The following CACNA1D variants were observed in gnomAD, a reference collection of about 807,000 sequenced individuals.
CACNA1D encodes calcium voltage-gated channel subunit alpha1 D, also known as voltage-dependent L-type calcium channel subunit alpha-1D.
CACNA1D carries 55 observed loss-of-function variants against 257.1 expected under a neutral mutation model. The ratio of observed to expected loss-of-function variants is 0.21; its 90% confidence interval spans 0.17 to 0.27. The LOEUF (loss-of-function observed/expected upper bound fraction) is 0.27. Among genes scored for constraint, CACNA1D ranks in the 10% least tolerant of loss-of-function variants. The probability of loss-of-function intolerance (pLI) is 1.00; values close to 1 mark genes in which losing one functional copy is unlikely to be tolerated. For synonymous variants in CACNA1D, 980 were observed against 1,014.9 expected (o/e 0.97, Z 0.65); for missense variants, 1,876 against 2,784.0 (o/e 0.67, Z 7.34).
chr3:53,753,588 A>G lies in CACNA1D; in HGVS notation c.3692A>G (p.Lys1231Arg), dbSNP rs1163075987. 3.7e-6 allele frequency: 6 copies of G among 1,608,950 alleles called. No individual in the cohort carries two copies. The African/African-American group carries it at 6.7e-5, about 18-fold the overall frequency. Residue 1231 changes from lysine to arginine, a missense_variant, in exon 29 of 48, where the codon AAG (lysine) becomes AGG (arginine). Lys to Arg is a conservative substitution (Grantham distance 26, BLOSUM62 2). This residue lies in a region of CACNA1D where 204 missense variants were observed against 309.4 expected (regional missense o/e 0.66). Transcript: ENST00000350061. ...CLAMQHYEQS[K>R]MFNDAMDILN... ...CATCCATAGCACTACGAGCAGTCCA[A>G]GATGTTCAATGATGCCATGGACATT... is the stretch of plus-strand genomic sequence containing the variant.
Position 53,776,627 on chromosome 3 carries a change from A to T in CACNA1D, c.4387A>T (p.Ile1463Phe). 6.2e-7 allele frequency: 1 copy of T among 1,614,186 alleles called. No homozygotes were observed. Among genetic ancestry groups the T allele is most frequent in the Non-Finnish European group, 8.5e-7 (1 of 1,180,032 alleles). ...FLIINLFVAV[I>F]MDNFDYLTRD... Reference sequence around the variant, plus strand: ...GATCATCAATCTGTTTGTGGCTGTCATCATGGATAATTTCGACTATCTGAC... The same window carrying T: ...GATCATCAATCTGTTTGTGGCTGTCTTCATGGATAATTTCGACTATCTGAC... Residue 1463 changes from isoleucine to phenylalanine, a missense_variant, in exon 36 of 48, where the codon ATC becomes TTC. This residue lies in a region of CACNA1D where 83 missense variants were observed against 210.7 expected (regional missense o/e 0.39). Transcript: ENST00000350061.
In CACNA1D at chr3:53,810,758, C is replaced by CAAAAAAAAAAAAAAAAAAA. The variant is rs71074934; in HGVS notation, c.6193-345_6193-327dup. On this transcript the variant is annotated intron_variant, in intron 47 of 47. Coordinates refer to ENST00000350061, the MANE Select transcript of CACNA1D (RefSeq NM_001128840.3). ...GGGCCACAGAGCGAGACTCTTGTCT[C>CAAAAAAAAAAAAAAAAAAA]AAAAAAAAAAAAAAAAAAAAAAAAA... Among the ~76,000 whole-genome samples, 268 of 68,284 alleles carry CAAAAAAAAAAAAAAAAAAA rather than the reference C, an allele frequency of 3.9e-3. 12 individuals carry two copies. Among genetic ancestry groups the CAAAAAAAAAAAAAAAAAAA allele is most frequent in the Non-Finnish European group, 5.1e-3 (212 of 41,538 alleles). 44.8% of individuals were successfully genotyped at this position (68,284 alleles called of 152,430 possible).
chr3:53,789,689 G>A lies in CACNA1D; in HGVS notation c.4923+2737G>A, dbSNP rs759564745. Reference sequence around the variant, plus strand: ...TGCTAATGGAAAGTGGAGCATGGCCGTCGCAGTGTGAGCGCAGAAGTGCGG... The same window carrying A: ...TGCTAATGGAAAGTGGAGCATGGCCATCGCAGTGTGAGCGCAGAAGTGCGG... On this transcript the variant is annotated intron_variant, in intron 40 of 47. Transcript: ENST00000350061. This position sits in a 1 kb window ranked among gnomAD's most constrained non-coding sequence, Gnocchi z 4.2. 3.3e-5 allele frequency among the ~76,000 whole-genome samples: 5 copies of A among 152,238 alleles called. No individual in the cohort carries two copies. The highest frequency in any genetic ancestry group is 7.3e-5 in the Non-Finnish European group (5 of 68,042).
Position 53,495,218 on chromosome 3 carries a change from G to T in CACNA1D, c.52G>T (p.Ala18Ser). 6.2e-7 allele frequency: 1 copy of T among 1,613,794 alleles called. No individual in the cohort carries two copies. The highest frequency in any genetic ancestry group is 1.1e-5 in the South Asian group (1 of 91,054). ...KKMQHQRQQQ[A>S]DHANEANYAR... is the part of the protein sequence containing the mutation. ...AATGCAGCATCAACGGCAGCAGCAAGCGGACCACGCGAACGGTGAGCAGCC... is the reference window on the plus strand; with the variant it reads ...AATGCAGCATCAACGGCAGCAGCAATCGGACCACGCGAACGGTGAGCAGCC... Residue 18 changes from alanine to serine, a missense_variant, in exon 1 of 48, where the codon GCG becomes TCG. Physicochemically the swap from Ala to Ser is moderately conservative, Grantham distance 99 (BLOSUM62 1). Transcript: ENST00000350061. The surrounding 1 kb of genome is among the most constrained non-coding windows in gnomAD (Gnocchi z 5.1).
intron 3 of CACNA1D, among the ~76,000 whole-genome samples, chr3:53,634,278 G>C (rs970749463): frequency 6.6e-6 from 1 of 152,282 alleles, no homozygotes; most frequent in East Asian, 1.9e-4. Context: ...GATCAAGCTT[G>C]TTGCCTTTTC....
At chr3:53,801,476 G>C (rs370194940) in intron 42 of CACNA1D, 51 bp downstream of exon 42, 30 of 1,607,370 alleles carry the variant, frequency 1.9e-5, no homozygotes, top group Admixed American at 6.7e-5. Context: ...TGCCCGTGTT[G>C]CGTCTAGTCC....
At position 53,673,472 on chromosome 3, in the gene CACNA1D, T is replaced by C. The variant is rs564476298; in HGVS notation, c.1220+346T>C. Among the ~76,000 whole-genome samples, 2 of 152,218 alleles carry C rather than the reference T, an allele frequency of 1.3e-5. No individual in the cohort carries two copies. Among genetic ancestry groups the C allele is most frequent in the Admixed American group, 1.3e-4 (2 of 15,294 alleles). On this transcript the variant is annotated intron_variant, in intron 8 of 47. Transcript: ENST00000350061. The surrounding 1 kb of genome is among the most constrained non-coding windows in gnomAD (Gnocchi z 4.1). The stretch of plus-strand genomic sequence containing the variant: ...TCCAAATATAATGCAGATTAATTGT[T>C]ATAAAACGATAGCAAAATGAGCTGG...
At chr3:53,722,648 T>A (rs1326655111) in intron 12 of CACNA1D, among the ~76,000 whole-genome samples, 174 bp downstream of exon 12, 1 of 152,222 alleles carries the variant, frequency 6.6e-6, no homozygotes, top group Non-Finnish European at 1.5e-5. Flanking sequence ...GTGCCATCTG[T>A]GCCGCGTGGT....
chr3:53,509,757 C>T (rs2091029730), intron 3 of CACNA1D, among the ~76,000 whole-genome samples: 1 of 152,212 alleles, frequency 6.6e-6, no homozygotes, highest in East Asian at 1.9e-4. Flanking sequence ...GCGAGAGGCT[C>T]ATGCTCTTTC....
At chr3:53,538,250 C>T (rs575000620) in intron 3 of CACNA1D, among the ~76,000 whole-genome samples, 5 of 146,354 alleles carry the variant, frequency 3.4e-5, no homozygotes, top group Admixed American at 7.0e-5. Flanking sequence ...ACAGTTCAAG[C>T]GTTTCTCGTG....
intron 9 of CACNA1D, among the ~76,000 whole-genome samples, chr3:53,717,601 T>G (rs2094833224): frequency 6.6e-6 from 1 of 151,886 alleles, no homozygotes; most frequent in African/African-American, 2.4e-5. Flanking sequence ...GAGACCAGAG[T>G]CAACCTTGCC....
intron 23 of CACNA1D, 121 bp downstream of exon 23, chr3:53,744,948 T>C (rs1576534435): frequency 1.5e-6 from 1 of 674,652 alleles, no homozygotes; most frequent in East Asian, 2.7e-5. Flanking sequence ...ATAAGGACCT[T>C]TCTAACCAAT....
rs34802182 is a variant in CACNA1D, at chr3:53,812,917, T to TGAA, written c.*1513_*1515dup. 0.45 allele frequency: 68,540 copies of TGAA among 151,866 alleles called. 17,722 individuals carry two copies. The highest frequency in any genetic ancestry group is 0.72 in the East Asian group (3,687 of 5,140). The allele number at this position is 151,866 out of a possible 1,614,324, so 9.4% of individuals were successfully genotyped here. ...CTTTTATATGCAATTGAATGAGGGC[T>TGAA]GAAGTTTTCATTAGAATGCACTCAC... On this transcript the variant is annotated 3_prime_UTR_variant, in exon 48 of 48. Coordinates refer to ENST00000350061, the MANE Select transcript of CACNA1D (RefSeq NM_001128840.3).
chr3:53,665,399 A>T (rs2094251497), intron 5 of CACNA1D, among the ~76,000 whole-genome samples: 1 of 152,190 alleles, frequency 6.6e-6, no homozygotes, highest in South Asian at 2.1e-4. Flanking sequence ...TAAATGAATG[A>T]TGAACTTTGA....
intron 3 of CACNA1D, among the ~76,000 whole-genome samples, chr3:53,507,087 A>AAC (rs1553707857): frequency 1.4e-4 from 21 of 151,098 alleles, no homozygotes; most frequent in Admixed American, 3.3e-4. Flanking sequence ...AAAAAAAAAA[A>AAC]AAAAAACAAA....
At chr3:53,715,220 A>G (rs972571753) in intron 9 of CACNA1D, among the ~76,000 whole-genome samples, 1 of 152,150 alleles carries the variant, frequency 6.6e-6, no homozygotes, top group Non-Finnish European at 1.5e-5. Context: ...TAGCGTAGGC[A>G]CTGTCCTCTT....
At chr3:53,683,958 A>T (rs1337692086) in intron 8 of CACNA1D, among the ~76,000 whole-genome samples, 2 of 152,236 alleles carry the variant, frequency 1.3e-5, no homozygotes, top group Non-Finnish European at 2.9e-5. Context: ...GGGGAAACAC[A>T]AAGGGAACCA....
chr3:53,548,242 CA>C (rs2092453994), intron 3 of CACNA1D, among the ~76,000 whole-genome samples: 1 of 150,994 alleles, frequency 6.6e-6, no homozygotes, highest in African/African-American at 2.4e-5. Context: ...TGATGGTGCA[CA>C]AAATAACTGA....
At chr3:53,759,891 C>T (rs1201362648) in intron 29 of CACNA1D, among the ~76,000 whole-genome samples, 2 of 152,238 alleles carry the variant, frequency 1.3e-5, no homozygotes, top group African/African-American at 4.8e-5. Context: ...CAGCCCATCT[C>T]TGCTCAGTTT....
Sources: gnomAD v4.1 joint callset for allele counts (sites outside exome capture counted in the v4.1 genomes callset) on GRCh38, gnomAD v4.1.1 for gene constraint, gnomAD v4.1.1 regional missense constraint, Gnocchi (gnomAD v3.1) non-coding constraint, MANE v1.5 for transcripts, NCBI Gene and HGNC (gene_info 2026-07-23, HGNC 2026-07-21) for gene names.